Variants in SYT9 observed in about 807,000 individuals in gnomAD.
SYT9 encodes synaptotagmin-9.
A neutral mutation model predicts 48.4 loss-of-function variants in SYT9; 22 were observed. That is an observed-to-expected ratio of 0.45 (90% confidence interval 0.32 to 0.65). The LOEUF is 0.65. Among genes scored for constraint, SYT9 ranks in the 30% least tolerant of loss-of-function variants. The pLI is 0.03. For synonymous variants in SYT9, 265 were observed against 245.0 expected, an observed-to-expected ratio of 1.08 and a Z score of -0.76; for missense variants, 577 against 622.0, an observed-to-expected ratio of 0.93 and a Z score of 0.77.
At chr11:7,269,281 A>G (rs1299418528) in intron 1 of SYT9, among the ~76,000 whole-genome samples, 1 of 152,090 alleles carries the variant, frequency 6.6e-6, no homozygotes. Flanking sequence ...TTGGGAAAAA[A>G]CATTATATGC....
intron 3 of SYT9, among the ~76,000 whole-genome samples, chr11:7,403,874 A>G (rs572081622): frequency 9.9e-5 from 15 of 152,248 alleles, no homozygotes; most frequent in Non-Finnish European, 2.1e-4. Flanking sequence ...CAAATCTCTG[A>G]CTATAATTAG....
intron 3 of SYT9, among the ~76,000 whole-genome samples, chr11:7,351,887 TTGTA>T (rs1021897836): frequency 6.6e-6 from 1 of 152,052 alleles, no homozygotes; most frequent in African/African-American, 2.4e-5. Flanking sequence ...TCAGAGTCTG[TTGTA>T]TGGGTGAGCT....
In SYT9 at chr11:7,468,578, G is replaced by T. The variant is rs1564914540; in HGVS notation, c.*1778G>T. ...ATGAAGGGCTAGCGCCACCAGGATA[G>T]TTAGCAGAAATATTGTCTGTAAAGC... is the stretch of plus-strand genomic sequence containing the variant. On this transcript the variant is annotated 3_prime_UTR_variant, in exon 7 of 7. Transcript: ENST00000318881. 1 of 362,724 alleles carries T rather than the reference G, an allele frequency of 2.8e-6. No individual in the cohort carries two copies. The allele number at this position is 362,724 out of a possible 1,614,324, so 22.5% of individuals were successfully genotyped here.
chr11:7,377,826 G>A (rs1850482791), intron 3 of SYT9, among the ~76,000 whole-genome samples: 1 of 152,130 alleles, frequency 6.6e-6, no homozygotes, highest in Non-Finnish European at 1.5e-5. Flanking sequence ...AATGGTATAG[G>A]CTCTGTAGTC....
chr11:7,449,322 CAAAAAA>C (rs759372659), intron 6 of SYT9, among the ~76,000 whole-genome samples: 2 of 44,766 alleles, frequency 4.5e-5, no homozygotes, highest in Admixed American at 3.2e-4. Flanking sequence ...GACTCCACCT[CAAAAAA>C]AAAAAAAAAA....
At chr11:7,281,703 AC>A (rs1435373787) in intron 1 of SYT9, among the ~76,000 whole-genome samples, 1 of 152,240 alleles carries the variant, frequency 6.6e-6, no homozygotes, top group African/African-American at 2.4e-5. Context: ...GATTTGAGCC[AC>A]CACTTTTGTG....
chr11:7,346,791 A>G (rs184834624), intron 3 of SYT9, among the ~76,000 whole-genome samples: 62 of 152,378 alleles, frequency 4.1e-4, no homozygotes, highest in African/African-American at 1.4e-3. Flanking sequence ...AGAGTAGATA[A>G]TTCTGATACA....
intron 1 of SYT9, among the ~76,000 whole-genome samples, chr11:7,287,238 G>A (rs1564848076): frequency 6.6e-6 from 1 of 152,126 alleles, no homozygotes; most frequent in African/African-American, 2.4e-5. Context: ...GTGAAGGGGG[G>A]AAAAGCCCCT....
At chr11:7,273,333 T>C (rs1053620607) in intron 1 of SYT9, among the ~76,000 whole-genome samples, 1 of 152,262 alleles carries the variant, frequency 6.6e-6, no homozygotes, top group Admixed American at 6.5e-5. Context: ...TTTTTTTCTT[T>C]TGTTAGTGTT....
chr11:7,425,807 G>A (rs979609209), intron 6 of SYT9, among the ~76,000 whole-genome samples: 5 of 152,182 alleles, frequency 3.3e-5, no homozygotes, highest in Non-Finnish European at 7.3e-5. Context: ...CAGTCAGGAC[G>A]TGGAGGGCTA....
At chr11:7,449,606 G>C (rs1423119669) in intron 6 of SYT9, among the ~76,000 whole-genome samples, 1 of 152,118 alleles carries the variant, frequency 6.6e-6, no homozygotes, top group Non-Finnish European at 1.5e-5. Flanking sequence ...GGGAAGTACA[G>C]GGCAGGATAT....
Position 7,303,092 on chromosome 11 carries a change from T to C in SYT9, c.199T>C (p.Phe67Leu). The C allele has an allele frequency of 6.2e-7, 1 of 1,614,218 alleles. No homozygotes were observed. The highest frequency in any genetic ancestry group is 8.5e-7 in the Non-Finnish European group (1 of 1,180,026). The change falls in exon 2 of 7, where the codon TTT becomes CTT. Residue 67 changes from phenylalanine to leucine, a missense_variant. Phe to Leu is a conservative substitution (Grantham distance 22, BLOSUM62 0). Coordinates refer to ENST00000318881, the MANE Select transcript of SYT9 (RefSeq NM_175733.4). ...GGTCACTGCCTGTGGTCTCGCTCTC[T>C]TTGGCGTGTCTCTCTTCGTATCTTG... ...LVVTACGLAL[F>L]GVSLFVSWKL...
At chr11:7,265,537 T>C (rs1036510681) in intron 1 of SYT9, among the ~76,000 whole-genome samples, 4 of 152,302 alleles carry the variant, frequency 2.6e-5, no homozygotes, top group South Asian at 2.1e-4. Context: ...ACTTACGGCC[T>C]TCGTGGTTTA....
At chr11:7,431,487 G>A (rs1282813515) in intron 6 of SYT9, among the ~76,000 whole-genome samples, 2 of 152,254 alleles carry the variant, frequency 1.3e-5, no homozygotes, top group Non-Finnish European at 2.9e-5. Flanking sequence ...CAAGCAAGCT[G>A]TGGAGGAACC....
chr11:7,443,902 G>A (rs1847879987), intron 6 of SYT9, among the ~76,000 whole-genome samples: 1 of 152,238 alleles, frequency 6.6e-6, no homozygotes, highest in African/African-American at 2.4e-5. Context: ...AGAGAATTTG[G>A]TCATGATTGG....
chr11:7,268,671 A>T (rs1034680850), intron 1 of SYT9, among the ~76,000 whole-genome samples: 12 of 152,050 alleles, frequency 7.9e-5, no homozygotes, highest in Non-Finnish European at 1.8e-4. Flanking sequence ...ATGCAACATA[A>T]GTCACAAACT....
At chr11:7,364,773 A>G (rs968916392) in intron 3 of SYT9, among the ~76,000 whole-genome samples, 2 of 152,210 alleles carry the variant, frequency 1.3e-5, no homozygotes, top group Admixed American at 6.5e-5. Context: ...GTTGTCTTCA[A>G]TGGTTGCATT....
intron 6 of SYT9, among the ~76,000 whole-genome samples, chr11:7,421,123 T>C (rs1847347148): frequency 6.6e-6 from 1 of 152,172 alleles, no homozygotes; most frequent in Non-Finnish European, 1.5e-5. Flanking sequence ...TAAAAACAAA[T>C]GAAATGAGAA....
At chr11:7,421,970 G>T (rs748852868) in intron 6 of SYT9, among the ~76,000 whole-genome samples, 2 of 152,154 alleles carry the variant, frequency 1.3e-5, no homozygotes, top group Non-Finnish European at 2.9e-5. Context: ...AGAGAACTGA[G>T]CCCCCGGGAA....
Sources: allele counts gnomAD v4.1 joint callset (sites outside exome capture counted in the v4.1 genomes callset), GRCh38; gene constraint gnomAD v4.1.1; transcripts MANE v1.5; gene names NCBI Gene and HGNC (gene_info 2026-07-23, HGNC 2026-07-21).